Variants in CRYZL1 observed in about 807,000 individuals in gnomAD.
CRYZL1 encodes the protein ferry endosomal RAB5 effector complex subunit 4.
In CRYZL1, 34 loss-of-function variants were observed where a neutral mutation model predicts 50.6. The observed-to-expected ratio is 0.67, with a 90% CI of 0.51 to 0.89. The LOEUF (loss-of-function observed/expected upper bound fraction) is 0.89. CRYZL1 is among the 40% of genes least tolerant of loss of function. The pLI is 0.00. For missense variants in CRYZL1, 354 were observed against 402.3 expected (o/e 0.88, Z 1.03); for synonymous variants, 125 against 134.3 (o/e 0.93, Z 0.48).
At position 33,616,883 on chromosome 21, in the gene CRYZL1, A is replaced by C. The variant is rs1569088726; in HGVS notation, c.218-133T>G. 4 of 714,038 alleles carry C rather than the reference A, an allele frequency of 5.6e-6. No homozygotes were observed. The Admixed American group carries it at 9.4e-5, about 17-fold the overall frequency. 44.2% of individuals were successfully genotyped at this position (714,038 alleles called of 1,614,324 possible). ...TGTTTAATGTGGAAAAAAGGACCAA[A>C]ATGTCAATAACATTTTGATGGTCTG... On this transcript the variant is annotated intron_variant, in intron 4 of 12. Coordinates refer to ENST00000381554, the MANE Select transcript of CRYZL1 (RefSeq NM_145858.3).
At chr21:33,616,626 G>C in intron 5 of CRYZL1, 80 bp downstream of exon 5, 1 of 1,599,792 alleles carries the variant, frequency 6.3e-7, no homozygotes, top group Non-Finnish European at 8.5e-7. Flanking sequence ...AGGTCACAGT[G>C]AACATTAATA....
intron 6 of CRYZL1, among the ~76,000 whole-genome samples, chr21:33,606,625 C>CAA (rs201547376): frequency 6.8e-6 from 1 of 148,102 alleles, no homozygotes; most frequent in South Asian, 2.1e-4. Flanking sequence ...GACTTTGTCT[C>CAA]AAAAAAAAAA....
At chr21:33,616,879 C>A (rs2086939973) in intron 4 of CRYZL1, 129 bp from the exon 5 acceptor site, 1 of 767,842 alleles carries the variant, frequency 1.3e-6, no homozygotes, top group Non-Finnish European at 2.0e-6. Flanking sequence ...GAAAAAAGGA[C>A]CAAAATGTCA....
chr21:33,602,235 T>C lies in CRYZL1; in HGVS notation c.576A>G (p.Ile192Met). Residue 192 changes from isoleucine to methionine, a missense_variant and splice_region_variant, in exon 8 of 13, where the codon ATA becomes ATG. Coordinates refer to ENST00000381554, the MANE Select transcript of CRYZL1 (RefSeq NM_145858.3). ...GTCTGTGCTCATAATATTACCCACC[T>C]ATGGGAGGTCTGAATCTTTCAAGGC... is the stretch of plus-strand genomic sequence containing the variant. ...KQCLERFRPP[I>M]ARVIDVSNGK... 1.3e-6 allele frequency: 2 copies of C among 1,516,044 alleles called. No homozygotes were observed. The highest frequency in any genetic ancestry group is 1.8e-6 in the Non-Finnish European group (2 of 1,090,536). 93.9% of individuals were successfully genotyped at this position (1,516,044 alleles called of 1,614,324 possible).
At chr21:33,641,543 G>C (rs2087340336) in intron 1 of CRYZL1, 138 bp downstream of exon 1, 1 of 430,708 alleles carries the variant, frequency 2.3e-6, no homozygotes, top group Admixed American at 4.0e-5. Flanking sequence ...AGCTAGGCCT[G>C]GGCCCGAACA....
chr21:33,640,314 A>G, intron 1 of CRYZL1: 1 of 1,386,626 alleles, frequency 7.2e-7, no homozygotes, highest in Non-Finnish European at 9.6e-7. Context: ...GCTGGAACAG[A>G]GGCATCGATA....
chr21:33,618,638 T>C (rs1171440486), intron 4 of CRYZL1, among the ~76,000 whole-genome samples: 3 of 152,200 alleles, frequency 2.0e-5, no homozygotes, highest in African/African-American at 7.2e-5. Context: ...TTGTTGCCAC[T>C]AGCAAGTAAT....
At chr21:33,611,111 G>A (rs548750376) in intron 6 of CRYZL1, among the ~76,000 whole-genome samples, 10 of 152,124 alleles carry the variant, frequency 6.6e-5, no homozygotes, top group Admixed American at 5.2e-4. Context: ...TATTCACAAC[G>A]TACTCGAAAG....
At chr21:33,616,622 C>T (rs749085424) in intron 5 of CRYZL1, 84 bp downstream of exon 5, 9 of 1,597,704 alleles carry the variant, frequency 5.6e-6, no homozygotes, top group Non-Finnish European at 6.8e-6. Context: ...AGCAAGGTCA[C>T]AGTGAACATT....
Position 33,599,380 on chromosome 21 carries a change from G to T in CRYZL1, c.578-132C>A. 3 of 1,209,050 alleles carry T rather than the reference G, an allele frequency of 2.5e-6. No individual in the cohort carries two copies. In the South Asian group the frequency reaches 4.0e-5, roughly 16 times the overall value. The allele number at this position is 1,209,050 out of a possible 1,614,324, so 74.9% of individuals were successfully genotyped here. ...GAGTTAAGCAATTCAAACAATTACT[G>T]AATTTAAAGGGAGAAAGTCAATTTA... is the stretch of plus-strand genomic sequence containing the variant. On this transcript the variant is annotated intron_variant, in intron 8 of 12. Transcript: ENST00000381554.
intron 1 of CRYZL1, among the ~76,000 whole-genome samples, chr21:33,635,110 T>C (rs1165751368): frequency 1.3e-5 from 2 of 151,770 alleles, no homozygotes; most frequent in African/African-American, 2.4e-5. Flanking sequence ...AATATTTGTC[T>C]TGAAAGCCCA....
chr21:33,604,248 G>A (rs1040020566), intron 6 of CRYZL1, among the ~76,000 whole-genome samples: 13 of 151,170 alleles, frequency 8.6e-5, no homozygotes, highest in Admixed American at 1.3e-4. Flanking sequence ...CCAGCTACTC[G>A]GAGAGGCTGA....
chr21:33,605,610 C>T (rs368634561), intron 6 of CRYZL1, among the ~76,000 whole-genome samples: 12 of 129,214 alleles, frequency 9.3e-5, no homozygotes, highest in Non-Finnish European at 1.8e-4. Context: ...CACCCTCCCC[C>T]TCCTGGGTTC....
intron 7 of CRYZL1, chr21:33,603,107 T>C (rs1480158505): frequency 3.4e-6 from 1 of 297,442 alleles, no homozygotes; most frequent in Admixed American, 4.3e-5. Context: ...TAGGGAATTC[T>C]GGACTATGAC....
chr21:33,594,347 G>C (rs1400580921), intron 11 of CRYZL1, among the ~76,000 whole-genome samples: 4 of 150,492 alleles, frequency 2.7e-5, no homozygotes, highest in African/African-American at 9.8e-5. Flanking sequence ...ATTTTTAATA[G>C]AGACGGGGTT....
rs746465045 is a variant in CRYZL1, at chr21:33,624,637, T to C, written c.144+46A>G. On this transcript the variant is annotated intron_variant, in intron 3 of 12. Transcript: ENST00000381554. ...CGTTATATTTATACACTAAATACAC[T>C]AAGAAACTCTCATTTTACTTTGTGC... 9.4e-6 allele frequency: 15 copies of C among 1,602,616 alleles called. No homozygotes were observed. The South Asian group carries it at 1.7e-4, about 18-fold the overall frequency.
In CRYZL1 at chr21:33,599,183, C is replaced by T. The variant is rs1401811168; in HGVS notation, c.643G>A (p.Gly215Ser). 1 of 1,613,980 alleles carries T rather than the reference C, an allele frequency of 6.2e-7. No individual in the cohort carries two copies. The highest frequency in any genetic ancestry group is 8.5e-7 in the Non-Finnish European group (1 of 1,179,918). ...TCTAGGACAATATCTACTCCCAGGCCACCTGTTTCTTCCAAACAGCTTTCA... is the reference window on the plus strand; with the variant it reads ...TCTAGGACAATATCTACTCCCAGGCTACCTGTTTCTTCCAAACAGCTTTCA... ...VAESCLEETG[G>S]LGVDIVLDAG... is the part of the protein sequence containing the mutation. Residue 215 changes from glycine to serine, a missense_variant, in exon 9 of 13, where the codon GGC becomes AGC. Coordinates refer to ENST00000381554, the MANE Select transcript of CRYZL1 (RefSeq NM_145858.3).
intron 9 of CRYZL1, 109 bp from the exon 10 acceptor site, chr21:33,597,510 C>T: frequency 1.1e-6 from 1 of 890,236 alleles, no homozygotes; most frequent in Non-Finnish European, 1.7e-6. Flanking sequence ...GAGACAAGGT[C>T]TTACTATGTT....
chr21:33,599,353 A>G, intron 8 of CRYZL1, 105 bp from the exon 9 acceptor site: 1 of 1,440,092 alleles, frequency 6.9e-7, no homozygotes, highest in Non-Finnish European at 9.6e-7. Flanking sequence ...TATTCTTGAA[A>G]TGAGTTAAGC....
Sources: allele counts gnomAD v4.1 joint callset (sites outside exome capture counted in the v4.1 genomes callset), GRCh38; gene constraint gnomAD v4.1.1; transcripts MANE v1.5; gene names NCBI Gene and HGNC (gene_info 2026-07-23, HGNC 2026-07-21).